The following FTO variants were observed in gnomAD, a reference collection of about 807,000 sequenced individuals.
The protein encoded by FTO is FTO alpha-ketoglutarate dependent dioxygenase, also known as alpha-ketoglutarate-dependent dioxygenase FTO.
Under a neutral mutation model 63.9 loss-of-function variants are expected in FTO, and 47 were observed. That is an observed-to-expected ratio of 0.74 (90% CI 0.58 to 0.94). FTO has a LOEUF of 0.94. Ranked by LOEUF, FTO falls within the 40% of genes least tolerant of loss-of-function variation. The probability of loss-of-function intolerance (pLI) is 0.00; values close to 1 mark genes in which losing one functional copy is unlikely to be tolerated. For synonymous variants in FTO, 207 were observed against 224.4 expected, an observed-to-expected ratio of 0.92 and a Z score of 0.69; for missense variants, 562 against 618.1, an observed-to-expected ratio of 0.91 and a Z score of 0.96.
chr16:53,766,822 GT>G (rs1288739466), intron 1 of FTO, among the ~76,000 whole-genome samples: 1 of 152,136 alleles, frequency 6.6e-6, no homozygotes, highest in Non-Finnish European at 1.5e-5. Flanking sequence ...GAACTGGAGT[GT>G]TTTTCCTTCA....
intron 1 of FTO, among the ~76,000 whole-genome samples, chr16:53,795,299 C>T (rs2078032600): frequency 6.6e-6 from 1 of 152,040 alleles, no homozygotes; most frequent in Non-Finnish European, 1.5e-5. Flanking sequence ...TTTTAAAAGG[C>T]ATTTAGGAGA....
chr16:53,907,700 C>G (rs1385911204), intron 7 of FTO, among the ~76,000 whole-genome samples: 1 of 152,154 alleles, frequency 6.6e-6, no homozygotes, highest in Non-Finnish European at 1.5e-5. Flanking sequence ...ATGGCCCTTT[C>G]TCAATCAGTC....
intron 1 of FTO, among the ~76,000 whole-genome samples, chr16:53,747,332 C>A (rs2076673366): frequency 6.6e-6 from 1 of 152,160 alleles, no homozygotes; most frequent in African/African-American, 2.4e-5. Flanking sequence ...GTTCCCTTTT[C>A]TCAACATCCT....
intron 8 of FTO, chr16:53,935,593 G>A (rs2082370236): frequency 1.3e-5 from 2 of 151,944 alleles, no homozygotes; most frequent in South Asian, 4.2e-4. Context: ...TATAAAAATA[G>A]ACACAGGATC....
chr16:54,006,547 A>G (rs1247572410), intron 8 of FTO, among the ~76,000 whole-genome samples: 1 of 152,226 alleles, frequency 6.6e-6, no homozygotes, highest in African/African-American at 2.4e-5. Context: ...CTTTGCTGAT[A>G]TGGACTAATT....
At chr16:53,851,760 T>G (rs929133101) in intron 4 of FTO, among the ~76,000 whole-genome samples, 13 of 152,058 alleles carry the variant, frequency 8.5e-5, no homozygotes, top group African/African-American at 3.1e-4. Context: ...GTCATTCATA[T>G]TATTATTGTT....
chr16:53,965,449 A>G (rs1013287632), intron 8 of FTO, among the ~76,000 whole-genome samples: 43 of 152,200 alleles, frequency 2.8e-4, no homozygotes, highest in African/African-American at 9.9e-4. Flanking sequence ...GGGTAGCAGT[A>G]TCATTTAACT....
At chr16:53,994,320 G>T (rs2083881936) in intron 8 of FTO, 1 of 151,826 alleles carries the variant, frequency 6.6e-6, no homozygotes, top group Non-Finnish European at 1.5e-5. Context: ...TGCTCATATT[G>T]TGTTCTCTCC....
Position 54,023,887 on chromosome 16 carries a change from A to C in FTO, c.1365-87875A>C, listed in dbSNP as rs975884657. ...TAGGAATGTGTGGGTTAATTTAGGT[A>C]TTGTTGTTGAGTACATGAAATTTTG... On this transcript the variant is annotated intron_variant, in intron 8 of 8. Coordinates refer to ENST00000471389, the MANE Select transcript of FTO (RefSeq NM_001080432.3). Among the ~76,000 whole-genome samples the C allele has an allele frequency of 2.0e-5, 3 of 152,250 alleles. No individual in the cohort carries two copies. The South Asian group carries it at 6.2e-4, about 32-fold the overall frequency.
rs1237318261 is a variant in FTO, at chr16:54,046,053, A to T, written c.1365-65709A>T. ...CATTCCCTTTGAAAACTGGCACAAG[A>T]CAGGGATGCCCTCTCTCACCGCTCC... On this transcript the variant is annotated intron_variant, in intron 8 of 8. Coordinates refer to ENST00000471389, the MANE Select transcript of FTO (RefSeq NM_001080432.3). Among the ~76,000 whole-genome samples, 18 of 82,310 alleles carry T rather than the reference A, an allele frequency of 2.2e-4. 4 individuals are homozygous for T. Among genetic ancestry groups the T allele is most frequent in the South Asian group, 2.1e-3 (4 of 1,936 alleles). The allele number at this position is 82,310 out of a possible 152,430, so 54.0% of individuals were successfully genotyped here.
chr16:53,967,573 A>G (rs554366084), intron 8 of FTO, among the ~76,000 whole-genome samples: 1 of 152,330 alleles, frequency 6.6e-6, no homozygotes, highest in South Asian at 2.1e-4. Flanking sequence ...CAGTGAAATT[A>G]GCATATGTTA....
intron 8 of FTO, among the ~76,000 whole-genome samples, chr16:54,068,859 C>A (rs2085793380): frequency 6.6e-6 from 1 of 152,060 alleles, no homozygotes; most frequent in Non-Finnish European, 1.5e-5. Context: ...GATGCGGTAA[C>A]TGTTCCCTGA....
intron 8 of FTO, among the ~76,000 whole-genome samples, chr16:54,066,956 A>G (rs1292818976): frequency 6.6e-6 from 1 of 152,250 alleles, no homozygotes; most frequent in Non-Finnish European, 1.5e-5. Context: ...AAATGGAAAT[A>G]CTGTAGAGAG....
At chr16:54,038,901 A>C (rs901207981) in intron 8 of FTO, among the ~76,000 whole-genome samples, 2 of 152,176 alleles carry the variant, frequency 1.3e-5, no homozygotes, top group Non-Finnish European at 2.9e-5. Flanking sequence ...GTATTCCTTT[A>C]TAACAACACA....
intron 8 of FTO, among the ~76,000 whole-genome samples, chr16:53,968,601 C>G (rs781639235): frequency 6.6e-6 from 1 of 152,140 alleles, no homozygotes; most frequent in Non-Finnish European, 1.5e-5. Flanking sequence ...CACTCTCGGA[C>G]AAGAAGTGTT....
intron 1 of FTO, among the ~76,000 whole-genome samples, chr16:53,735,932 CCTT>C (rs1164333132): frequency 6.6e-6 from 1 of 152,170 alleles, no homozygotes; most frequent in East Asian, 1.9e-4. Context: ...CCTTCCTTCT[CCTT>C]CTTACTGCCT....
At chr16:53,758,427 C>A (rs947904623) in intron 1 of FTO, among the ~76,000 whole-genome samples, 1 of 152,136 alleles carries the variant, frequency 6.6e-6, no homozygotes, top group Non-Finnish European at 1.5e-5. Flanking sequence ...GGTTATGTAA[C>A]CATTGTAACC....
chr16:53,812,330 G>A (rs1231159716), intron 2 of FTO, among the ~76,000 whole-genome samples: 2 of 151,566 alleles, frequency 1.3e-5, no homozygotes, highest in Non-Finnish European at 2.9e-5. Context: ...GAGTGCAGTG[G>A]CGCGATCTGA....
At chr16:53,928,808 T>C (rs577493892) in intron 7 of FTO, among the ~76,000 whole-genome samples, 1 of 152,280 alleles carries the variant, frequency 6.6e-6, no homozygotes, top group South Asian at 2.1e-4. Flanking sequence ...CTTATTTTGG[T>C]ATACAACCCT....
Sources: gnomAD v4.1 joint callset for allele counts (sites outside exome capture counted in the v4.1 genomes callset) on GRCh38, gnomAD v4.1.1 for gene constraint, MANE v1.5 for transcripts, NCBI Gene and HGNC (gene_info 2026-07-23, HGNC 2026-07-21) for gene names.